Variants in SERGEF observed in about 807,000 individuals in gnomAD.
The protein encoded by SERGEF is secretion regulating guanine nucleotide exchange factor, also known as secretion-regulating guanine nucleotide exchange factor.
A neutral mutation model predicts 50.0 loss-of-function variants in SERGEF; 51 were observed. The observed-to-expected ratio is 1.02, with a 90% CI of 0.81 to 1.29. The LOEUF is 1.29. Ranked by LOEUF, SERGEF falls within the 50% of genes most tolerant of loss-of-function variation. SERGEF has a pLI of 0.00. For missense variants in SERGEF, 521 were observed against 557.0 expected (o/e 0.94, Z 0.65); for synonymous variants, 205 against 212.4 (o/e 0.97, Z 0.30).
chr11:17,852,972 G>A (rs1850740419), intron 10 of SERGEF, among the ~76,000 whole-genome samples: 1 of 152,170 alleles, frequency 6.6e-6, no homozygotes, highest in African/African-American at 2.4e-5. Context: ...CCCTCTGCAT[G>A]ACAGGACCAG....
chr11:17,878,061 G>T, intron 10 of SERGEF, 147 bp downstream of exon 10: 1 of 634,014 alleles, frequency 1.6e-6, no homozygotes, highest in Non-Finnish European at 2.8e-6. Flanking sequence ...GTAAACCCTT[G>T]GTCAACCAAA....
chr11:17,803,149 C>T (rs1849701732), intron 10 of SERGEF, among the ~76,000 whole-genome samples: 1 of 152,238 alleles, frequency 6.6e-6, no homozygotes, highest in African/African-American at 2.4e-5. Flanking sequence ...CACACCCACA[C>T]ATGTGGCAGG....
chr11:17,789,372 T>C (rs1457399762), intron 10 of SERGEF, among the ~76,000 whole-genome samples: 3 of 152,248 alleles, frequency 2.0e-5, no homozygotes, highest in Non-Finnish European at 4.4e-5. Context: ...GCTGTATCTC[T>C]AGGACAGTGC....
At chr11:17,851,337 C>T (rs920747931) in intron 10 of SERGEF, among the ~76,000 whole-genome samples, 3 of 152,094 alleles carry the variant, frequency 2.0e-5, no homozygotes, top group Admixed American at 6.5e-5. Context: ...AAATGCAGTG[C>T]CCTTAACCTT....
intron 8 of SERGEF, among the ~76,000 whole-genome samples, chr11:17,978,723 C>CAG: frequency 6.6e-6 from 1 of 152,252 alleles, no homozygotes; most frequent in Non-Finnish European, 1.5e-5. Flanking sequence ...TATGCAAGAC[C>CAG]CTTTCCCTTT....
At chr11:17,960,655 C>T (rs1468865744) in intron 8 of SERGEF, among the ~76,000 whole-genome samples, 1 of 152,222 alleles carries the variant, frequency 6.6e-6, no homozygotes. Context: ...TCTGGCCCCA[C>T]ATTCAACATA....
intron 9 of SERGEF, among the ~76,000 whole-genome samples, chr11:17,936,164 A>G (rs1852449206): frequency 6.6e-6 from 1 of 152,258 alleles, no homozygotes; most frequent in African/African-American, 2.4e-5. Context: ...ACAGCACCTT[A>G]GAAGCACATA....
intron 10 of SERGEF, among the ~76,000 whole-genome samples, chr11:17,812,308 C>T (rs1849890780): frequency 6.6e-6 from 1 of 152,244 alleles, no homozygotes; most frequent in African/African-American, 2.4e-5. Flanking sequence ...AAAAGTACCT[C>T]CTTCCAACCT....
At chr11:17,812,349 T>A (rs1849891576) in intron 10 of SERGEF, among the ~76,000 whole-genome samples, 1 of 152,178 alleles carries the variant, frequency 6.6e-6, no homozygotes. Flanking sequence ...CCCATGGGCC[T>A]CCCCTCCTGC....
chr11:17,824,408 T>C (rs956198492), intron 10 of SERGEF, among the ~76,000 whole-genome samples: 3 of 152,158 alleles, frequency 2.0e-5, no homozygotes, highest in Non-Finnish European at 2.9e-5. Context: ...AGGCCTATGT[T>C]AAGGATAGTG....
At chr11:17,878,091 C>T (rs1851270371) in intron 10 of SERGEF, 117 bp downstream of exon 10, 1 of 687,444 alleles carries the variant, frequency 1.5e-6, no homozygotes, top group Non-Finnish European at 2.5e-6. Flanking sequence ...TTCCCCCAAT[C>T]TCCCCTAACA....
At chr11:17,891,035 AG>A (rs573490354) in intron 9 of SERGEF, among the ~76,000 whole-genome samples, 63 of 152,346 alleles carry the variant, frequency 4.1e-4, no homozygotes, top group Middle Eastern at 3.4e-3. Context: ...TGGTTTACCA[AG>A]GAATATGGCC....
At chr11:18,008,930 T>C (rs1485003664) in intron 1 of SERGEF, among the ~76,000 whole-genome samples, 1 of 151,874 alleles carries the variant, frequency 6.6e-6, no homozygotes, top group Admixed American at 6.6e-5. Context: ...TGAAGAAAAA[T>C]GAAGGTCATT....
At chr11:18,003,820 T>C (rs905246459) in intron 4 of SERGEF, among the ~76,000 whole-genome samples, 8 of 152,094 alleles carry the variant, frequency 5.3e-5, no homozygotes, top group African/African-American at 1.7e-4. Context: ...GAAGGGAGAA[T>C]AGGAATTGAC....
At chr11:17,908,504 ATCCCT>A (rs911757174) in intron 9 of SERGEF, among the ~76,000 whole-genome samples, 2 of 152,070 alleles carry the variant, frequency 1.3e-5, no homozygotes, top group Non-Finnish European at 2.9e-5. Context: ...TGGATGACAT[ATCCCT>A]CCTCTTATGC....
At chr11:17,862,701 C>T (rs924391681) in intron 10 of SERGEF, among the ~76,000 whole-genome samples, 4 of 152,114 alleles carry the variant, frequency 2.6e-5, no homozygotes, top group Admixed American at 6.5e-5. Flanking sequence ...CCTGTGGATG[C>T]GGAGAGGCAA....
At chr11:17,994,427 G>T (rs560130810) in intron 6 of SERGEF, among the ~76,000 whole-genome samples, 42 of 128,548 alleles carry the variant, frequency 3.3e-4, no homozygotes, top group African/African-American at 1.1e-3. Flanking sequence ...AGTGAGCTGA[G>T]ATCGCGCCAC....
chr11:17,830,403 G>C (rs938311055), intron 10 of SERGEF, among the ~76,000 whole-genome samples: 2 of 152,202 alleles, frequency 1.3e-5, no homozygotes, highest in Non-Finnish European at 2.9e-5. Context: ...GAATAGCACA[G>C]ACTGGATAAT....
rs531553269 is a variant in SERGEF, at chr11:17,996,858, G to A, written c.509-949C>T. Among the ~76,000 whole-genome samples, 29 of 151,410 alleles carry A rather than the reference G, an allele frequency of 1.9e-4. 1 individual carries two copies. Among genetic ancestry groups the A allele is most frequent in the Middle Eastern group, 6.9e-3 (2 of 290 alleles). Reference sequence around the variant, plus strand: ...AAAACTTTATAAGAGACTTCAGATAGCTGACAGGAGATGAATATCCAGAAT... The same window carrying A: ...AAAACTTTATAAGAGACTTCAGATAACTGACAGGAGATGAATATCCAGAAT... On this transcript the variant is annotated intron_variant, in intron 5 of 10. Transcript: ENST00000265965.
Sources: allele counts gnomAD v4.1 joint callset (sites outside exome capture counted in the v4.1 genomes callset), GRCh38; gene constraint gnomAD v4.1.1; transcripts MANE v1.5; gene names NCBI Gene and HGNC (gene_info 2026-07-23, HGNC 2026-07-21).